The following HTT variants were observed in gnomAD, a reference collection of about 807,000 sequenced individuals.
HTT encodes the protein huntingtin.
In HTT, 104 loss-of-function variants were observed where a neutral mutation model predicts 362.3. That is an observed-to-expected ratio of 0.29 (90% CI 0.24 to 0.34). The LOEUF (loss-of-function observed/expected upper bound fraction) is 0.34. HTT is among the 10% of genes least tolerant of loss of function. The pLI, the probability that HTT is intolerant of heterozygous loss-of-function variation, is 1.00. For missense variants in HTT, 3,301 were observed against 3,928.6 expected (o/e 0.84, Z 4.27); for synonymous variants, 1,577 against 1,548.7 (o/e 1.02, Z -0.43).
chr4:3,146,686 TG>T, intron 24 of HTT, 110 bp from the exon 25 acceptor site: 1 of 852,540 alleles, frequency 1.2e-6, no homozygotes. Context: ...ATTTCTGAGC[TG>T]GTATAAAATG....
intron 1 of HTT, among the ~76,000 whole-genome samples, chr4:3,075,631 G>C (rs1316037970): frequency 7.4e-6 from 1 of 135,124 alleles, no homozygotes; most frequent in Non-Finnish European, 1.7e-5. Context: ...AGGACGCCTC[G>C]GCGGGAGTGG....
At chr4:3,082,355 C>G (rs757558664) in intron 1 of HTT, among the ~76,000 whole-genome samples, 2 of 151,880 alleles carry the variant, frequency 1.3e-5, no homozygotes, top group African/African-American at 2.4e-5. Flanking sequence ...ACTTGATAAA[C>G]TACCTTTGAA....
At position 3,175,066 on chromosome 4, in the gene HTT, G is replaced by T. The variant is rs756111223; in HGVS notation, c.4366G>T (p.Val1456Phe). The T allele has an allele frequency of 6.2e-7, 1 of 1,614,188 alleles. No individual in the cohort carries two copies. Among genetic ancestry groups the T allele is most frequent in the Non-Finnish European group, 8.5e-7 (1 of 1,180,028 alleles). Residue 1456 changes from valine to phenylalanine, a missense_variant, in exon 33 of 67, where the codon GTT becomes TTT. Around this residue, in one of 4 missense-constraint regions of HTT, gnomAD observed 2,316 missense variants for 2,658.5 expected, o/e 0.87. Coordinates refer to ENST00000355072, the MANE Select transcript of HTT (RefSeq NM_001388492.1). ...KQVLDLLAQL[V>F]QLRVNYCLLD... ...GGTTTTAGATTTGCTGGCGCAGCTG[G>T]TTCAGTTACGGGTTAATTACTGTCT...
At chr4:3,078,265 G>A (rs1560536971) in intron 1 of HTT, among the ~76,000 whole-genome samples, 2 of 152,190 alleles carry the variant, frequency 1.3e-5, no homozygotes, top group Non-Finnish European at 1.5e-5. Context: ...TGTACTATGT[G>A]CCTGGCACTG....
chr4:3,111,333 A>G (rs1366110074), intron 6 of HTT, among the ~76,000 whole-genome samples: 1 of 151,866 alleles, frequency 6.6e-6, no homozygotes, highest in Non-Finnish European at 1.5e-5. Context: ...AGCTGGGATT[A>G]CAGGTGTGCA....
chr4:3,122,849 T>C (rs1715355096), intron 9 of HTT, 40 bp from the exon 10 acceptor site: 2 of 1,519,454 alleles, frequency 1.3e-6, no homozygotes, highest in Non-Finnish European at 1.8e-6. Context: ...CTAGATTTTA[T>C]CAGCTTGTTA....
chr4:3,123,557 T>A (rs1715392661), intron 10 of HTT: 2 of 152,350 alleles, frequency 1.3e-5, no homozygotes, highest in Admixed American at 6.5e-5. Flanking sequence ...GCATGTGGCA[T>A]GTGCCTGTAG....
intron 8 of HTT, among the ~76,000 whole-genome samples, chr4:3,117,795 T>G (rs1299666233): frequency 6.6e-6 from 1 of 152,168 alleles, no homozygotes; most frequent in Admixed American, 6.5e-5. Flanking sequence ...ATTGTACCAC[T>G]GCACTCCATC....
intron 39 of HTT, 44 bp downstream of exon 39, chr4:3,187,930 G>A (rs917637690): frequency 1.3e-5 from 15 of 1,158,764 alleles, no homozygotes; most frequent in Non-Finnish European, 1.8e-5. Flanking sequence ...TGCCTTTTGG[G>A]AAGTCACGTG....
chr4:3,145,273 A>G (rs1234484936), intron 24 of HTT, 45 bp downstream of exon 24: 4 of 1,295,674 alleles, frequency 3.1e-6, no homozygotes, highest in Admixed American at 1.7e-5. Flanking sequence ...CTACAACAGT[A>G]TGACATAAAC....
Position 3,222,462 on chromosome 4 carries a change from T to C in HTT, c.7445T>C (p.Met2482Thr), listed in dbSNP as rs372850510. The C allele has an allele frequency of 1.1e-5, 17 of 1,614,096 alleles. No homozygotes were observed. Among genetic ancestry groups the C allele is most frequent in the Non-Finnish European group, 1.4e-5 (17 of 1,180,006 alleles). Residue 2482 changes from methionine (M) to threonine (T), a missense_variant, in exon 54 of 67, where the codon ATG becomes ACG. Met to Thr is a moderately conservative substitution (Grantham distance 81). Coordinates refer to ENST00000355072, the MANE Select transcript of HTT (RefSeq NM_001388492.1). ...GTCCTGGTGACGCAGCCCCTCGTGATGGAGCAGGAGGAGAGCCCACCAGAA... is the reference window on the plus strand; with the variant it reads ...GTCCTGGTGACGCAGCCCCTCGTGACGGAGCAGGAGGAGAGCCCACCAGAA... ...LGVLVTQPLV[M>T]EQEESPPEED... is the part of the protein sequence containing the mutation.
intron 24 of HTT, among the ~76,000 whole-genome samples, chr4:3,146,112 G>T (rs1479776609): frequency 6.6e-6 from 1 of 152,160 alleles, no homozygotes; most frequent in Non-Finnish European, 1.5e-5. Context: ...TTCTGCATCT[G>T]TTCACAAGGG....
Position 3,132,718 on chromosome 4 carries a change from C to T in HTT, c.2393C>T (p.Thr798Ile). ...TGGATGGGCACCATTAGAACCCTCA[C>T]AGGTAACGGCCAGTTTTTCAGCTGT... ...GDWMGTIRTL[T>I]GNTFSLADCI... The change falls in exon 17 of 67, where the codon ACA becomes ATA. Residue 798 changes from threonine to isoleucine, a missense_variant and splice_region_variant. Physicochemically the swap from Thr to Ile is moderately conservative, Grantham distance 89. Around this residue, in one of 4 missense-constraint regions of HTT, gnomAD observed 2,316 missense variants for 2,658.5 expected, o/e 0.87. Transcript: ENST00000355072. 6.2e-7 allele frequency: 1 copy of T among 1,614,174 alleles called. No homozygotes were observed. The highest frequency in any genetic ancestry group is 8.5e-7 in the Non-Finnish European group (1 of 1,179,978).
chr4:3,105,708 C>T (rs1714390137), intron 5 of HTT, among the ~76,000 whole-genome samples: 2 of 152,202 alleles, frequency 1.3e-5, no homozygotes, highest in Non-Finnish European at 2.9e-5. Flanking sequence ...CTGTCTTATG[C>T]TCTGTTGCAG....
chr4:3,140,537 T>G lies in HTT; in HGVS notation c.2826T>G (p.Cys942Trp). Reference sequence around the variant, plus strand: ...TTGTCCCAAAGCTGTTTTATAAATGTGACCAAGGACAAGCTGATCCAGTAG... The same window carrying G: ...TTGTCCCAAAGCTGTTTTATAAATGGGACCAAGGACAAGCTGATCCAGTAG... ...IRLVPKLFYK[C>W]DQGQADPVVA... The change falls in exon 22 of 67, where the codon TGT becomes TGG. Residue 942 changes from cysteine (C) to tryptophan (W), a missense_variant. Physicochemically the swap from Cys to Trp is radical, Grantham distance 215. This residue lies in a region of HTT where 2,316 missense variants were observed against 2,658.5 expected (regional missense o/e 0.87). Coordinates refer to ENST00000355072, the MANE Select transcript of HTT (RefSeq NM_001388492.1). 1.2e-6 allele frequency: 2 copies of G among 1,614,158 alleles called. No individual in the cohort carries two copies. The highest frequency in any genetic ancestry group is 1.7e-6 in the Non-Finnish European group (2 of 1,179,990).
intron 31 of HTT, among the ~76,000 whole-genome samples, chr4:3,174,443 T>G (rs1718136648): frequency 6.6e-6 from 1 of 152,198 alleles, no homozygotes; most frequent in African/African-American, 2.4e-5. Context: ...CTGGGCTGAG[T>G]AGTCAGTTTC....
intron 8 of HTT, among the ~76,000 whole-genome samples, chr4:3,120,608 G>A (rs1343231618): frequency 1.3e-5 from 2 of 152,226 alleles, no homozygotes; most frequent in African/African-American, 4.8e-5. Flanking sequence ...ATTCCCATAG[G>A]AGTGCAAACC....
rs539504965 is a variant in HTT at position 3,078,879 on chromosome 4, C to T, written c.263+3791C>T. ...TCTCCCAAGTAGCTGGGACTACAGG[C>T]GCCTGCCACCACGTCCAGCTAATTT... On this transcript the variant is annotated intron_variant, in intron 1 of 66. Coordinates refer to ENST00000355072, the MANE Select transcript of HTT (RefSeq NM_001388492.1). Among the ~76,000 whole-genome samples, 8 of 152,258 alleles carry T rather than the reference C, an allele frequency of 5.3e-5. No homozygotes were observed. In the South Asian group the frequency reaches 6.2e-4, roughly 12 times the overall value.
intron 40 of HTT, among the ~76,000 whole-genome samples, chr4:3,189,471 T>C (rs1009101777): frequency 2.0e-5 from 3 of 152,230 alleles, no homozygotes; most frequent in African/African-American, 7.2e-5. Context: ...TGACACATGC[T>C]ACAACATGGG....
Sources: gnomAD v4.1 joint callset for allele counts (sites outside exome capture counted in the v4.1 genomes callset) on GRCh38, gnomAD v4.1.1 for gene constraint, gnomAD v4.1.1 regional missense constraint, MANE v1.5 for transcripts, NCBI Gene and HGNC (gene_info 2026-07-23, HGNC 2026-07-21) for gene names.